Variants in TENM3 observed in about 807,000 individuals in gnomAD.
TENM3 encodes the protein teneurin transmembrane protein 3.
TENM3 carries 63 observed loss-of-function variants against 255.1 expected under a neutral mutation model. The ratio of observed to expected loss-of-function variants is 0.25; its 90% CI spans 0.20 to 0.30. The LOEUF is 0.30. Among genes scored for constraint, TENM3 ranks in the 10% least tolerant of loss-of-function variants. The pLI is 1.00. For synonymous variants in TENM3, 1,306 were observed against 1,322.3 expected (o/e 0.99, Z 0.27); for missense variants, 2,929 against 3,461.1 (o/e 0.85, Z 3.86).
chr4:181,769,745 A>G, the TENM3 span, among the ~76,000 whole-genome samples: 1 of 152,168 alleles, frequency 6.6e-6, no homozygotes, highest in African/African-American at 2.4e-5. Flanking sequence ...TTTGAGAATA[A>G]AATACATCTG....
At chr4:181,759,121 G>A in the TENM3 span, among the ~76,000 whole-genome samples, 9 of 151,968 alleles carry the variant, frequency 5.9e-5, no homozygotes, top group South Asian at 2.1e-4. Flanking sequence ...AATGCAGGGC[G>A]GGGAGCTGGG....
the TENM3 span, among the ~76,000 whole-genome samples, chr4:182,048,322 A>G: frequency 6.6e-6 from 1 of 152,118 alleles, no homozygotes; most frequent in Non-Finnish European, 1.5e-5. Context: ...TAAAATATGG[A>G]TTTCATAGAT....
intron 1 of TENM3, among the ~76,000 whole-genome samples, chr4:182,314,300 C>CAA (rs200624196): frequency 2.4e-4 from 33 of 137,068 alleles, no homozygotes; most frequent in African/African-American, 6.4e-4. Flanking sequence ...GACTCCGTCT[C>CAA]AAAAAAAAAA....
chr4:181,916,022 A>G, the TENM3 span, among the ~76,000 whole-genome samples: 1 of 152,112 alleles, frequency 6.6e-6, no homozygotes, highest in Non-Finnish European at 1.5e-5. Context: ...AAAGTCTAAA[A>G]TCCGTATCAG....
At chr4:182,001,722 C>A in the TENM3 span, among the ~76,000 whole-genome samples, 2 of 152,048 alleles carry the variant, frequency 1.3e-5, no homozygotes, top group African/African-American at 2.4e-5. Flanking sequence ...GCATTGAGTT[C>A]TTTTCAAGAA....
At chr4:181,994,396 C>A in the TENM3 span, among the ~76,000 whole-genome samples, 1 of 152,092 alleles carries the variant, frequency 6.6e-6, no homozygotes, top group Non-Finnish European at 1.5e-5. Context: ...ATCTGTTATA[C>A]ATATTTTATT....
chr4:182,628,400 A>T (rs1751036711), intron 4 of TENM3, among the ~76,000 whole-genome samples: 1 of 152,316 alleles, frequency 6.6e-6, no homozygotes, highest in African/African-American at 2.4e-5. Flanking sequence ...GTGATCATTT[A>T]TGATCATTTA....
At chr4:182,272,003 G>A (rs1759665491) in intron 1 of TENM3, among the ~76,000 whole-genome samples, 1 of 152,192 alleles carries the variant, frequency 6.6e-6, no homozygotes, top group Non-Finnish European at 1.5e-5. Flanking sequence ...AAGCTGATTA[G>A]ATGTGGTTTG....
the TENM3 span, among the ~76,000 whole-genome samples, chr4:182,086,856 G>A: frequency 2.0e-5 from 3 of 152,168 alleles, no homozygotes; most frequent in Admixed American, 6.5e-5. Context: ...ATACTACACC[G>A]ACAGGCAGGA....
the TENM3 span, among the ~76,000 whole-genome samples, chr4:181,704,290 C>T: frequency 3.3e-5 from 5 of 152,184 alleles, no homozygotes; most frequent in Non-Finnish European, 4.4e-5. Context: ...TTTCTCTCTC[C>T]CTTCCTCCTG....
In TENM3 at chr4:182,601,197, C is replaced by T. The variant is rs186100811; in HGVS notation, c.749+36C>T. On this transcript the variant is annotated intron_variant, in intron 4 of 27. Transcript: ENST00000511685. ...AAATTTCAAAATAAGCTAGCCCAAC[C>T]CTTTTCTCACCAGGAGCAATTTACT... The T allele has an allele frequency of 1.7e-4, 259 of 1,523,232 alleles. 2 individuals carry two copies. The African/African-American group carries it at 3.1e-3, about 18-fold the overall frequency. 94.4% of individuals were successfully genotyped at this position (1,523,232 alleles called of 1,614,324 possible).
the TENM3 span, among the ~76,000 whole-genome samples, chr4:181,548,435 G>A: frequency 6.6e-6 from 1 of 152,164 alleles, no homozygotes; most frequent in Non-Finnish European, 1.5e-5. Flanking sequence ...TGATAGACTG[G>A]ATTAAGAAAA....
intron 1 of TENM3, among the ~76,000 whole-genome samples, chr4:182,296,900 C>G (rs1761532708): frequency 6.6e-6 from 1 of 151,996 alleles, no homozygotes; most frequent in Non-Finnish European, 1.5e-5. Context: ...GACAGCATGG[C>G]CTCCTGGAAA....
Position 182,195,255 on chromosome 4 carries a change from G to A in TENM3, c.-76+50501G>A, listed in dbSNP as rs146323628. Among the ~76,000 whole-genome samples the A allele has an allele frequency of 7.1e-4, 108 of 152,204 alleles. 1 individual carries two copies. Among genetic ancestry groups the A allele is most frequent in the South Asian group, 1.5e-3 (7 of 4,822 alleles). ...CCCAAAACGTGCCTGTTATCCACACGACCCTGTATGTCTAGGGCAGGCCTT... is the reference window on the plus strand; with the variant it reads ...CCCAAAACGTGCCTGTTATCCACACAACCCTGTATGTCTAGGGCAGGCCTT... On this transcript the variant is annotated intron_variant, in intron 1 of 2. Transcript: ENST00000512480.
the TENM3 span, among the ~76,000 whole-genome samples, chr4:181,969,006 ATGTG>A: frequency 0.099 from 14,210 of 143,280 alleles, 756 homozygotes; most frequent in South Asian, 0.19. Context: ...ATACATATAT[ATGTG>A]TGTGTGTGTA....
chr4:182,734,229 T>C (rs142339969), intron 16 of TENM3, among the ~76,000 whole-genome samples: 1 of 152,092 alleles, frequency 6.6e-6, no homozygotes, highest in African/African-American at 2.4e-5. Context: ...ACGTTTCAGA[T>C]TGAAGATGTG....
chr4:181,478,085 A>C, the TENM3 span, among the ~76,000 whole-genome samples: 1 of 152,218 alleles, frequency 6.6e-6, no homozygotes, highest in Non-Finnish European at 1.5e-5. Context: ...CTAGTGGCAA[A>C]TATTTCAATT....
At chr4:181,878,694 G>A in the TENM3 span, among the ~76,000 whole-genome samples, 23 of 151,286 alleles carry the variant, frequency 1.5e-4, no homozygotes, top group African/African-American at 3.4e-4. Context: ...TAATCCTTCC[G>A]TCTGTCTATA....
At chr4:182,157,956 A>T (rs1750824100) in intron 1 of TENM3, among the ~76,000 whole-genome samples, 1 of 152,246 alleles carries the variant, frequency 6.6e-6, no homozygotes, top group Non-Finnish European at 1.5e-5. Flanking sequence ...TAAAATATGT[A>T]GTTCTCTTTG....
Sources: gnomAD v4.1 joint callset for allele counts (sites outside exome capture counted in the v4.1 genomes callset) on GRCh38, gnomAD v4.1.1 for gene constraint, MANE v1.5 for transcripts, NCBI Gene and HGNC (gene_info 2026-07-23, HGNC 2026-07-21) for gene names.